CEBPZ: variants seen among roughly 807,000 people sequenced by gnomAD.
CEBPZ encodes CCAAT/enhancer-binding protein zeta.
A neutral mutation model predicts 104.5 loss-of-function variants in CEBPZ; 78 were observed. The observed-to-expected ratio is 0.75, with a 90% CI of 0.62 to 0.90. The LOEUF (loss-of-function observed/expected upper bound fraction) is 0.90. Ranked by LOEUF, CEBPZ falls within the 40% of genes least tolerant of loss-of-function variation. The pLI is 0.00. For synonymous variants in CEBPZ, 470 were observed against 427.0 expected (o/e 1.10, Z -1.24); for missense variants, 1,439 against 1,233.5 (o/e 1.17, Z -2.50).
chr2:37,202,697 A>T, intron 15 of CEBPZ, 87 bp downstream of exon 15: 2 of 274,644 alleles, frequency 7.3e-6, no homozygotes, highest in South Asian at 6.1e-5. Flanking sequence ...AAAAAAGAAT[A>T]AATAAAATAA....
At chr2:37,217,901 C>CAA (rs58344885) in intron 5 of CEBPZ, among the ~76,000 whole-genome samples, 1,667 of 139,204 alleles carry the variant, frequency 0.012, 46 homozygotes, top group African/African-American at 0.036. Context: ...GACTCTGTCT[C>CAA]AAAAAAAAAA....
chr2:37,217,908 AAAAAACAAAAAAC>A (rs1256414501), intron 5 of CEBPZ, among the ~76,000 whole-genome samples: 4 of 150,600 alleles, frequency 2.7e-5, no homozygotes, highest in African/African-American at 9.7e-5. Flanking sequence ...TCTCAAAAAA[AAAAAACAAAAAAC>A]AAAAACAAAA....
Position 37,228,316 on chromosome 2 carries a change from G to A in CEBPZ, c.877C>T (p.Leu293Phe), listed in dbSNP as rs1415225631. ...LMALDTFKEL[L>F]ITDLLPDNRK... ...TTGTCTGGCAAAAGGTCTGTGATAA[G>A]CAACTCTTTGAAAGTATCCAAGGCC... is the stretch of plus-strand genomic sequence containing the variant. The change falls in exon 2 of 16, where the codon CTT becomes TTT. Residue 293 changes from leucine to phenylalanine, a missense_variant. Transcript: ENST00000234170. The A allele has an allele frequency of 6.2e-7, 1 of 1,614,050 alleles. No individual in the cohort carries two copies. Among genetic ancestry groups the A allele is most frequent in the East Asian group, 2.2e-5 (1 of 44,900 alleles).
At chr2:37,214,291 T>C (rs547068667) in intron 9 of CEBPZ, among the ~76,000 whole-genome samples, 19 of 152,068 alleles carry the variant, frequency 1.2e-4, no homozygotes, top group Non-Finnish European at 2.4e-4. Context: ...ACAAGCCAAA[T>C]CAAACCTAAT....
At chr2:37,208,425 A>G (rs1459111739) in intron 13 of CEBPZ, among the ~76,000 whole-genome samples, 1 of 152,228 alleles carries the variant, frequency 6.6e-6, no homozygotes, top group South Asian at 2.1e-4. Context: ...CTCCAACAGC[A>G]TATCAAAAAG....
intron 2 of CEBPZ, among the ~76,000 whole-genome samples, chr2:37,226,028 G>A (rs1572508727): frequency 6.7e-6 from 1 of 148,258 alleles, no homozygotes; most frequent in Non-Finnish European, 1.5e-5. Flanking sequence ...CTTTGTTCAC[G>A]TGTTTGTCTG....
At position 37,227,825 on chromosome 2, in the gene CEBPZ, T is replaced by C. The variant is rs1469813038; in HGVS notation, c.1368A>G (p.Glu456=). 5.6e-6 allele frequency: 9 copies of C among 1,614,126 alleles called. No individual in the cohort carries two copies. Among genetic ancestry groups the C allele is most frequent in the Non-Finnish European group, 7.6e-6 (9 of 1,180,044 alleles). Reference sequence around the variant, plus strand: ...AAACAGTTATTAATTTGTTAGCCAATTCACTTTCTTCATGGGACAGAGCCA... The same window carrying C: ...AAACAGTTATTAATTTGTTAGCCAACTCACTTTCTTCATGGGACAGAGCCA... ...NQMALSHEES[E]LANKLITVYF... The change falls in exon 2 of 16, where the codon GAA becomes GAG. Residue 456 remains glutamate (E), a synonymous_variant. Transcript: ENST00000234170.
intron 10 of CEBPZ, among the ~76,000 whole-genome samples, chr2:37,212,886 A>T (rs995328308): frequency 2.2e-4 from 33 of 151,550 alleles, no homozygotes; most frequent in Admixed American, 1.1e-3. Flanking sequence ...AAACAAAAAA[A>T]AAACGAGCCG....
intron 13 of CEBPZ, among the ~76,000 whole-genome samples, chr2:37,208,176 A>C (rs1677602457): frequency 6.6e-6 from 1 of 152,198 alleles, no homozygotes; most frequent in African/African-American, 2.4e-5. Flanking sequence ...CCAACAAAAC[A>C]AAGTCCAGGA....
In CEBPZ at chr2:37,229,011, A is replaced by T; in HGVS notation, c.182T>A (p.Leu61Ter). ...ATCTATCACTTCCTCATTCTCATCC[A>T]AAGTAGCCAGCATAAGGTAATCTTG... The part of the protein sequence containing the change: ...TKQDYLMLAT[L>*]DENEEVIDGG... Residue 61 changes from leucine to a stop codon, truncating the protein, a stop_gained, in exon 2 of 16, where the codon TTG becomes TAG. Transcript: ENST00000234170. LOFTEE classifies it high-confidence loss of function. 1 of 1,570,922 alleles carries T rather than the reference A, an allele frequency of 6.4e-7. No homozygotes were observed. The highest frequency in any genetic ancestry group is 8.6e-7 in the Non-Finnish European group (1 of 1,163,828).
intron 1 of CEBPZ, among the ~76,000 whole-genome samples, chr2:37,230,547 C>T (rs2300896): frequency 0.047 from 7,179 of 152,264 alleles, 728 homozygotes; most frequent in East Asian, 0.36. Context: ...AACTCCTCCA[C>T]CTTGAAAGTC....
intron 5 of CEBPZ, among the ~76,000 whole-genome samples, chr2:37,220,026 T>C (rs71437575): frequency 1.3e-5 from 2 of 151,974 alleles, no homozygotes; most frequent in African/African-American, 2.4e-5. Flanking sequence ...AGGGCAAAAA[T>C]ATACAGCATA....
intron 1 of CEBPZ, among the ~76,000 whole-genome samples, chr2:37,229,269 A>G (rs1270214353): frequency 6.6e-6 from 1 of 152,174 alleles, no homozygotes; most frequent in African/African-American, 2.4e-5. Context: ...TAGGAAAAAA[A>G]TATAAATTAT....
rs1245938151 is a variant in CEBPZ at position 37,211,313 on chromosome 2, T to C, written c.2801-231A>G. On this transcript the variant is annotated intron_variant, in intron 12 of 15. Coordinates refer to ENST00000234170, the MANE Select transcript of CEBPZ (RefSeq NM_005760.3). ...GTACAAAATTTTCTAAATAGCTTCA[T>C]TAATAAGACCAAATAATATAAAACC... 1.1e-5 allele frequency: 4 copies of C among 365,018 alleles called. No individual in the cohort carries two copies. In the Admixed American group the frequency reaches 1.8e-4, roughly 16 times the overall value. The allele number at this position is 365,018 out of a possible 1,614,324, so 22.6% of individuals were successfully genotyped here. A position where few individuals can be genotyped will look rare whatever the true frequency, so the allele number is the denominator to read the frequency against.
At chr2:37,217,368 T>A (rs1237581077) in intron 5 of CEBPZ, among the ~76,000 whole-genome samples, 1 of 152,018 alleles carries the variant, frequency 6.6e-6, no homozygotes, top group African/African-American at 2.4e-5. Flanking sequence ...ACCACTGCAC[T>A]CCAGCCTGGG....
At chr2:37,221,385 G>A (rs1228380710) in intron 4 of CEBPZ, among the ~76,000 whole-genome samples, 1 of 152,164 alleles carries the variant, frequency 6.6e-6, no homozygotes, top group Non-Finnish European at 1.5e-5. Flanking sequence ...AACAAAAGGT[G>A]CCCATTTTGG....
At chr2:37,212,224 T>G (rs778240471) in intron 11 of CEBPZ, 111 bp downstream of exon 11, 92 of 1,083,184 alleles carry the variant, frequency 8.5e-5, no homozygotes, top group Middle Eastern at 4.1e-4. Context: ...CTTCCCAAAC[T>G]TACTTGACTA....
At position 37,213,832 on chromosome 2, in the gene CEBPZ, T is replaced by C. The variant is rs890023112; in HGVS notation, c.2545+32A>G. ...TGGTCTATTAACACATAGTAGTAGA[T>C]TATTTTACAAAGAGTCAACAAAACA... On this transcript the variant is annotated intron_variant, in intron 10 of 15. Transcript: ENST00000234170. The C allele has an allele frequency of 6.9e-6, 10 of 1,439,410 alleles. No homozygotes were observed. In the African/African-American group the frequency reaches 7.0e-5, roughly 10 times the overall value. 89.2% of individuals were successfully genotyped at this position (1,439,410 alleles called of 1,614,324 possible).
In CEBPZ at chr2:37,202,785, T is replaced by C; in HGVS notation, c.3024A>G (p.Ala1008=). Residue 1008 remains alanine, a splice_region_variant and synonymous_variant, in exon 15 of 16, where the codon GCA becomes GCG. Transcript: ENST00000234170. ...GMNAMANKDN[A]SLKQLRWEAE... ...AATAAAAAAATTTAAGTTACTTACT[T>C]GCATTATCTTTGTTAGCCATGGCAT... The C allele has an allele frequency of 6.4e-7, 1 of 1,551,892 alleles. No homozygotes were observed. Among genetic ancestry groups the C allele is most frequent in the Non-Finnish European group, 8.7e-7 (1 of 1,147,978 alleles).
Sources: allele counts gnomAD v4.1 joint callset (sites outside exome capture counted in the v4.1 genomes callset), GRCh38; gene constraint gnomAD v4.1.1; transcripts MANE v1.5; gene names NCBI Gene and HGNC (gene_info 2026-07-23, HGNC 2026-07-21).